The following RUVBL1 variants were observed in gnomAD, a reference collection of about 807,000 sequenced individuals.
RUVBL1 encodes RuvB like AAA ATPase 1.
In RUVBL1, 4 loss-of-function variants were observed where a neutral mutation model predicts 52.4. The observed-to-expected ratio is 0.08, with a 90% confidence interval of 0.04 to 0.17. The LOEUF (loss-of-function observed/expected upper bound fraction) is 0.17. Ranked by LOEUF, RUVBL1 falls within the 10% of genes least tolerant of loss-of-function variation. The pLI is 1.00. For synonymous variants in RUVBL1, 217 were observed against 214.4 expected (o/e 1.01, Z -0.10); for missense variants, 298 against 572.8 (o/e 0.52, Z 4.90).
At position 128,112,664 on chromosome 3, in the gene RUVBL1, G is replaced by A. The variant is rs145756646; in HGVS notation, c.361+224C>T. On this transcript the variant is annotated intron_variant, in intron 3 of 10. Transcript: ENST00000322623. ...ACATCTATTTATTGCATGAAGAAGC[G>A]CAGGCTCACAGCTAGGGTCCATAGT... 5.1e-4 allele frequency among the ~76,000 whole-genome samples: 77 copies of A among 152,156 alleles called. 1 individual carries two copies. The highest frequency in any genetic ancestry group is 9.9e-4 in the African/African-American group (41 of 41,512).
chr3:128,086,825 C>T (rs1942657585), intron 9 of RUVBL1, among the ~76,000 whole-genome samples: 1 of 152,256 alleles, frequency 6.6e-6, no homozygotes, highest in Non-Finnish European at 1.5e-5. Flanking sequence ...GCAATTCCTA[C>T]AGGGACAACT....
At chr3:128,117,708 G>A (rs1025516125) in intron 2 of RUVBL1, among the ~76,000 whole-genome samples, 1 of 151,960 alleles carries the variant, frequency 6.6e-6, no homozygotes, top group Non-Finnish European at 1.5e-5. Context: ...TGCCTCCCAG[G>A]TTCAAGCGAT....
At chr3:128,121,469 G>A (rs940580773) in intron 1 of RUVBL1, among the ~76,000 whole-genome samples, 4 of 151,216 alleles carry the variant, frequency 2.6e-5, no homozygotes, top group Non-Finnish European at 5.9e-5. Context: ...CCAGCACTTC[G>A]GGAGGCCGAG....
rs572504926 is a variant in RUVBL1 at position 128,113,732 on chromosome 3, A to G, written c.229-712T>C. On this transcript the variant is annotated intron_variant, in intron 2 of 10. Transcript: ENST00000322623. ...ATCCACATACGTGGAACCCACAGAT[A>G]GGAAGGGCCAACTTTACAGTCATCC... Among the ~76,000 whole-genome samples, 4 of 152,322 alleles carry G rather than the reference A, an allele frequency of 2.6e-5. No individual in the cohort carries two copies. In the East Asian group the frequency reaches 7.7e-4, roughly 29 times the overall value.
chr3:128,071,336 C>T (rs1054689150), intron 9 of RUVBL1: 3 of 152,542 alleles, frequency 2.0e-5, no homozygotes, highest in African/African-American at 7.2e-5. Flanking sequence ...CCCTCCTACC[C>T]ACATGGTTCT....
chr3:128,073,255 CA>C (rs1942221152), intron 9 of RUVBL1, among the ~76,000 whole-genome samples: 1 of 152,194 alleles, frequency 6.6e-6, no homozygotes, highest in Non-Finnish European at 1.5e-5. Flanking sequence ...GCCCTTGGCT[CA>C]GGGGCAGCAC....
intron 1 of RUVBL1, among the ~76,000 whole-genome samples, chr3:128,144,990 T>A (rs1489296810): frequency 6.6e-6 from 1 of 152,048 alleles, no homozygotes; most frequent in East Asian, 1.9e-4. Context: ...CACTTTGTCA[T>A]TGTGAGGGGG....
chr3:128,112,088 C>T (rs1943407780), intron 3 of RUVBL1, among the ~76,000 whole-genome samples: 1 of 152,178 alleles, frequency 6.6e-6, no homozygotes, highest in Non-Finnish European at 1.5e-5. Context: ...ATAAGCAGAT[C>T]TGAGGGAAAC....
rs954700082 is a variant in RUVBL1, at chr3:128,069,536, T to C, written c.940-4316A>G. On this transcript the variant is annotated intron_variant, in intron 9 of 9. Transcript: ENST00000464873. ...GCATCGGGGCCCTCTCGGTCCTGGC[T>C]GACTTCCTAGGCGCCATTGGGTCTG... The C allele has an allele frequency of 1.9e-6, 3 of 1,614,088 alleles. No individual in the cohort carries two copies. In the East Asian group the frequency reaches 6.7e-5, roughly 36 times the overall value.
chr3:128,128,015 C>A (rs77568979), upstream of RUVBL1, among the ~76,000 whole-genome samples: 97 of 138,240 alleles, frequency 7.0e-4, 1 homozygote, highest in African/African-American at 2.6e-3. Context: ...TAAATACATA[C>A]ATACATACAT....
chr3:128,098,745 G>T, intron 7 of RUVBL1, 137 bp downstream of exon 7: 1 of 736,032 alleles, frequency 1.4e-6, no homozygotes, highest in Non-Finnish European at 2.3e-6. Flanking sequence ...CTAGAGTCAA[G>T]CTCTAAGCTA....
intron 1 of RUVBL1, among the ~76,000 whole-genome samples, chr3:128,145,853 A>C (rs1944095457): frequency 6.6e-6 from 1 of 152,216 alleles, no homozygotes. Context: ...ATGTATTTCA[A>C]GTAAAATGTC....
At chr3:128,088,103 A>G (rs1377668188) in intron 8 of RUVBL1, among the ~76,000 whole-genome samples, 1 of 152,062 alleles carries the variant, frequency 6.6e-6, no homozygotes, top group African/African-American at 2.4e-5. Context: ...CTCTACTAAA[A>G]ATACAAAAAT....
At chr3:128,103,908 G>A (rs1943165499) in intron 4 of RUVBL1, among the ~76,000 whole-genome samples, 1 of 152,116 alleles carries the variant, frequency 6.6e-6, no homozygotes, top group Admixed American at 6.5e-5. Context: ...ATAATAATAA[G>A]GCAAAGCCTA....
intron 8 of RUVBL1, among the ~76,000 whole-genome samples, chr3:128,089,958 C>T (rs996565082): frequency 2.1e-5 from 3 of 141,726 alleles, no homozygotes; most frequent in Non-Finnish European, 4.5e-5. Context: ...ATAAATGAGA[C>T]GTTACCAGGA....
At chr3:128,135,652 G>A (rs1576486414) in intron 1 of RUVBL1, among the ~76,000 whole-genome samples, 1 of 152,192 alleles carries the variant, frequency 6.6e-6, no homozygotes, top group East Asian at 1.9e-4. Flanking sequence ...AGACAAACAA[G>A]GGCTGAGGGA....
intron 9 of RUVBL1, among the ~76,000 whole-genome samples, chr3:128,087,041 G>A (rs534854534): frequency 6.6e-6 from 1 of 152,394 alleles, no homozygotes; most frequent in Admixed American, 6.5e-5. Flanking sequence ...CTTCTAAGCT[G>A]TATGATGCTG....
chr3:128,152,673 T>G (rs1046970070), intron 1 of RUVBL1, among the ~76,000 whole-genome samples: 5 of 152,136 alleles, frequency 3.3e-5, no homozygotes, highest in Non-Finnish European at 5.9e-5. Context: ...CGGAGTTGGT[T>G]TCTTCCAGTG....
rs546900387 is a variant in RUVBL1 at position 128,151,013 on chromosome 3, ATT to A, written c.-40+2188_-40+2189del. On this transcript the variant is annotated intron_variant, in intron 1 of 9. Coordinates refer to the RUVBL1 transcript ENST00000464873. ...ATATATTATATATATTATATTATAT[ATT>A]ATATATATAATATATATTCTATATT... is the stretch of plus-strand genomic sequence containing the variant. Among the ~76,000 whole-genome samples the A allele has an allele frequency of 8.4e-3, 811 of 96,610 alleles. 21 individuals are homozygous for A. Among genetic ancestry groups the A allele is most frequent in the African/African-American group, 0.034 (783 of 23,300 alleles). 63.4% of individuals were successfully genotyped at this position (96,610 alleles called of 152,430 possible). A position where few individuals can be genotyped will look rare whatever the true frequency, so the allele number is the denominator to read the frequency against.
Sources: gnomAD v4.1 joint callset for allele counts (sites outside exome capture counted in the v4.1 genomes callset) on GRCh38, gnomAD v4.1.1 for gene constraint, MANE v1.5 for transcripts, NCBI Gene and HGNC (gene_info 2026-07-23, HGNC 2026-07-21) for gene names.